PNPLA8: variants seen among roughly 807,000 people sequenced by gnomAD.
PNPLA8 encodes patatin like domain 8, phospholipase A2.
PNPLA8 carries 39 observed loss-of-function variants against 76.9 expected under a neutral mutation model. The observed-to-expected ratio is 0.51, with a 90% CI of 0.39 to 0.66. The LOEUF (loss-of-function observed/expected upper bound fraction) is 0.66, where lower values mean the gene tolerates loss of function less well. PNPLA8 is among the 30% of genes least tolerant of loss of function. The pLI is 0.00. For missense variants in PNPLA8, 887 were observed against 918.0 expected (o/e 0.97, Z 0.44); for synonymous variants, 301 against 307.9 (o/e 0.98, Z 0.24).
chr7:108,502,136 C>T (rs1861994886), intron 5 of PNPLA8, among the ~76,000 whole-genome samples: 1 of 150,638 alleles, frequency 6.6e-6, no homozygotes. Flanking sequence ...TGAATTGAAT[C>T]TGTAGTTTTT....
chr7:108,518,034 G>A (rs1863464652), intron 2 of PNPLA8, among the ~76,000 whole-genome samples: 1 of 152,206 alleles, frequency 6.6e-6, no homozygotes. Flanking sequence ...GGTATCTGCT[G>A]AAGGCCCACT....
At chr7:108,517,059 G>A (rs1296703786) in intron 2 of PNPLA8, among the ~76,000 whole-genome samples, 2 of 152,122 alleles carry the variant, frequency 1.3e-5, no homozygotes, top group African/African-American at 4.8e-5. Flanking sequence ...CTTAAAGCTC[G>A]ACAATAAGAA....
At chr7:108,502,667 G>A (rs771619306) in intron 4 of PNPLA8, 25 bp from the exon 5 acceptor site, 1 of 1,572,844 alleles carries the variant, frequency 6.4e-7, no homozygotes, top group South Asian at 1.1e-5. Flanking sequence ...AAGATACTTT[G>A]TTGCTTTTGT....
chr7:108,482,687 T>C (rs1053751139), intron 9 of PNPLA8, among the ~76,000 whole-genome samples: 3 of 152,208 alleles, frequency 2.0e-5, no homozygotes, highest in African/African-American at 7.2e-5. Flanking sequence ...CTTCTTTTAT[T>C]TCTTTCATCT....
intron 8 of PNPLA8, among the ~76,000 whole-genome samples, chr7:108,490,142 C>A (rs578065262): frequency 1.4e-3 from 207 of 152,212 alleles, no homozygotes; most frequent in Non-Finnish European, 2.6e-3. Flanking sequence ...GTATTCTTAT[C>A]ATTGTGTCAC....
rs200528348 is a variant in PNPLA8, at chr7:108,501,789, AC to A, written c.1358+701del. Among the ~76,000 whole-genome samples the A allele has an allele frequency of 1.6e-4, 24 of 152,234 alleles. No homozygotes were observed. In the East Asian group the frequency reaches 4.1e-3, roughly 26 times the overall value. On this transcript the variant is annotated intron_variant, in intron 5 of 10. Coordinates refer to ENST00000257694, the MANE Select transcript of PNPLA8 (RefSeq NM_001256007.3). ...CAGTGATCTGAGATCGCACCACTGC[AC>A]TCCAGCCTGGGCGACAGAGCAAGAC...
intron 2 of PNPLA8, among the ~76,000 whole-genome samples, chr7:108,520,384 T>C (rs1049648694): frequency 1.6e-4 from 25 of 151,962 alleles, no homozygotes; most frequent in African/African-American, 6.0e-4. Flanking sequence ...AAAAATTGGA[T>C]CTCATGGAGA....
Position 108,472,472 on chromosome 7 carries a change from G to A in PNPLA8, c.2278C>T (p.Gln760Ter). The A allele has an allele frequency of 6.3e-7, 1 of 1,598,678 alleles. No homozygotes were observed. The highest frequency in any genetic ancestry group is 1.1e-5 in the South Asian group (1 of 88,650). The change falls in exon 11 of 11, where the codon CAG becomes TAG. Residue 760 changes from glutamine (Q) to a stop codon, truncating the protein, a stop_gained. Coordinates refer to ENST00000257694, the MANE Select transcript of PNPLA8 (RefSeq NM_001256007.3). LOFTEE classifies it high-confidence loss of function. The stretch of plus-strand genomic sequence containing the variant: ...AATTTTATCCAATCATTAATTTTCT[G>A]CAGAGTTGTTTTTTCTTGACTTAAT... The part of the protein sequence containing the change: ...KILSQEKTTL[Q>*]KINDWIKLKT...
intron 4 of PNPLA8, among the ~76,000 whole-genome samples, chr7:108,511,628 G>A (rs1862939582): frequency 6.6e-6 from 1 of 152,166 alleles, no homozygotes; most frequent in Admixed American, 6.5e-5. Flanking sequence ...AAAGGTGCAG[G>A]TGAAGAAGGT....
chr7:108,506,561 C>T (rs1383000477), intron 4 of PNPLA8, among the ~76,000 whole-genome samples: 2 of 152,078 alleles, frequency 1.3e-5, no homozygotes, highest in Non-Finnish European at 2.9e-5. Flanking sequence ...TCCAAAGAAA[C>T]GAAGACCTAT....
chr7:108,488,001 T>C (rs1860871589), intron 8 of PNPLA8, 48 bp from the exon 9 acceptor site: 2 of 1,171,818 alleles, frequency 1.7e-6, no homozygotes, highest in Admixed American at 4.2e-5. Flanking sequence ...GTAATATATT[T>C]GGGATCTGTA....
chr7:108,490,727 TGA>T (rs550681338), intron 8 of PNPLA8, among the ~76,000 whole-genome samples: 172 of 149,746 alleles, frequency 1.1e-3, no homozygotes, highest in Non-Finnish European at 2.3e-3. Context: ...GAGCTTGCAG[TGA>T]GCCGAGATTG....
intron 4 of PNPLA8, among the ~76,000 whole-genome samples, chr7:108,505,566 T>G (rs1255617719): frequency 6.6e-6 from 1 of 150,974 alleles, no homozygotes; most frequent in Non-Finnish European, 1.5e-5. Context: ...TTTCACCACG[T>G]TGGCCAGGAT....
In PNPLA8 at chr7:108,515,371, T is replaced by C. The variant is rs1206969100; in HGVS notation, c.121A>G (p.Ile41Val). The C allele has an allele frequency of 6.2e-7, 1 of 1,613,562 alleles. No homozygotes were observed. Among genetic ancestry groups the C allele is most frequent in the Non-Finnish European group, 8.5e-7 (1 of 1,179,650 alleles). ...CCTCTTTGTAGACTGATGTGGCTTA[T>C]CCTCCAGTAATGCTTAGGTGAGAAC... Reference protein sequence around the residue: ...FLFSPKHYWRISHISLQRGFH... With the variant: ...FLFSPKHYWRVSHISLQRGFH... Residue 41 changes from isoleucine to valine, a missense_variant, in exon 3 of 11, where the codon ATA becomes GTA. Coordinates refer to ENST00000257694, the MANE Select transcript of PNPLA8 (RefSeq NM_001256007.3).
intron 8 of PNPLA8, among the ~76,000 whole-genome samples, chr7:108,491,023 G>A (rs1018806982): frequency 6.6e-6 from 1 of 152,150 alleles, no homozygotes; most frequent in Non-Finnish European, 1.5e-5. Context: ...GGGCCCTCAG[G>A]GCCGGGCACG....
At position 108,496,657 on chromosome 7, in the gene PNPLA8, C is replaced by G; in HGVS notation, c.1552G>C (p.Val518Leu). 3 of 1,612,534 alleles carry G rather than the reference C, an allele frequency of 1.9e-6. No homozygotes were observed. Among genetic ancestry groups the G allele is most frequent in the Non-Finnish European group, 2.5e-6 (3 of 1,179,138 alleles). ...KLGSDVFSQN[V>L]IVGTVKMSWS... ...CTCATTTTTACTGTTCCAACAATGACATTTTGTGAAAATACATCTGATCCT... is the reference window on the plus strand; with the variant it reads ...CTCATTTTTACTGTTCCAACAATGAGATTTTGTGAAAATACATCTGATCCT... Residue 518 changes from valine (V) to leucine (L), a missense_variant, in exon 7 of 11, where the codon GTC (valine) becomes CTC (leucine). Val to Leu is a conservative substitution (Grantham distance 32, BLOSUM62 1). Coordinates refer to ENST00000257694, the MANE Select transcript of PNPLA8 (RefSeq NM_001256007.3).
rs1346640751 is a variant in PNPLA8, at chr7:108,505,333, TATATATATATATATATATA to T, written c.1207-2710_1207-2692del. ...ATATATATATATATATATATATATA[TATATATATATATATATATA>T]TTTTTTTTTTTTTTTTTTTTTTTTT... On this transcript the variant is annotated intron_variant, in intron 4 of 10. Coordinates refer to ENST00000257694, the MANE Select transcript of PNPLA8 (RefSeq NM_001256007.3). Among the ~76,000 whole-genome samples the T allele has an allele frequency of 8.7e-3, 86 of 9,880 alleles. 3 individuals carry two copies. Among genetic ancestry groups the T allele is most frequent in the Middle Eastern group, 0.02 (1 of 50 alleles). 6.5% of individuals were successfully genotyped at this position (9,880 alleles called of 152,430 possible). A position where few individuals can be genotyped will look rare whatever the true frequency, so the allele number is the denominator to read the frequency against.
In PNPLA8 at chr7:108,490,211, T is replaced by C. The variant is rs74738936; in HGVS notation, c.1683+1199A>G. Among the ~76,000 whole-genome samples, 942 of 152,252 alleles carry C rather than the reference T, an allele frequency of 6.2e-3. 14 individuals carry two copies. Among genetic ancestry groups the C allele is most frequent in the African/African-American group, 0.022 (895 of 41,492 alleles). On this transcript the variant is annotated intron_variant, in intron 8 of 10. Transcript: ENST00000257694. The stretch of plus-strand genomic sequence containing the variant: ...GTACAGGTTTATAGCCTAGGAACTA[T>C]AGGCTATACCATTTAGCCTACATGT...
intron 9 of PNPLA8, among the ~76,000 whole-genome samples, chr7:108,485,131 T>C (rs951496453): frequency 5.3e-5 from 8 of 152,206 alleles, no homozygotes; most frequent in Non-Finnish European, 8.8e-5. Flanking sequence ...ACCTCTAGTG[T>C]AAACTAATTT....
Sources: gnomAD v4.1 joint callset for allele counts (sites outside exome capture counted in the v4.1 genomes callset) on GRCh38, gnomAD v4.1.1 for gene constraint, MANE v1.5 for transcripts, NCBI Gene and HGNC (gene_info 2026-07-23, HGNC 2026-07-21) for gene names.